Variants in RPTOR observed in about 807,000 individuals in gnomAD.
RPTOR encodes the protein regulatory-associated protein of mTOR.
RPTOR carries 21 observed loss-of-function variants against 169.9 expected under a neutral mutation model. That is an observed-to-expected ratio of 0.12 (90% CI 0.09 to 0.18). The LOEUF (loss-of-function observed/expected upper bound fraction) is 0.18, where lower values mean the gene tolerates loss of function less well. RPTOR is among the 10% of genes least tolerant of loss of function. The pLI, the probability that RPTOR is intolerant of heterozygous loss-of-function variation, is 1.00. For synonymous variants in RPTOR, 732 were observed against 753.2 expected (o/e 0.97, Z 0.46); for missense variants, 1,133 against 1,855.9 (o/e 0.61, Z 7.16).
At chr17:80,914,652 C>T (rs57656262) in intron 21 of RPTOR, among the ~76,000 whole-genome samples, 9,869 of 152,198 alleles carry the variant, frequency 0.065, 871 homozygotes, top group African/African-American at 0.2. Context: ...TGCACACGCT[C>T]GGGGCAGTGC....
intron 3 of RPTOR, among the ~76,000 whole-genome samples, chr17:80,655,501 C>T (rs2065672503): frequency 6.6e-6 from 1 of 152,108 alleles, no homozygotes. Context: ...CTCCTGGGCT[C>T]ACGCTATCCT....
chr17:80,686,835 C>A (rs1209311969), intron 3 of RPTOR, among the ~76,000 whole-genome samples: 1 of 152,138 alleles, frequency 6.6e-6, no homozygotes. Flanking sequence ...GGCTGTTGGA[C>A]CTGGGACCCT....
chr17:80,749,451 G>C, intron 5 of RPTOR, among the ~76,000 whole-genome samples: 2 of 47,806 alleles, frequency 4.2e-5, no homozygotes, highest in Non-Finnish European at 1.0e-4. Context: ...TTTAGAGGCC[G>C]TGGCGGGAGG....
At chr17:80,560,398 A>G (rs1170167294) in intron 1 of RPTOR, among the ~76,000 whole-genome samples, 7 of 152,182 alleles carry the variant, frequency 4.6e-5, no homozygotes, top group Admixed American at 4.6e-4. Context: ...GCACTGGGCT[A>G]AGTGCTGCGG....
chr17:80,651,864 G>A lies in RPTOR; in HGVS notation c.348+8054G>A, dbSNP rs2065642187. ...ACTAAAAATACAAAAAATTAGCCGG[G>A]CGCAGTGGCAGGTGCCTACTGTAGT... On this transcript the variant is annotated intron_variant, in intron 3 of 33. Coordinates refer to ENST00000306801, the MANE Select transcript of RPTOR (RefSeq NM_020761.3). The surrounding 1 kb of genome is among the most constrained non-coding windows in gnomAD (Gnocchi z 4.1). 6.6e-6 allele frequency among the ~76,000 whole-genome samples: 1 copy of A among 152,246 alleles called. No individual in the cohort carries two copies. The highest frequency in any genetic ancestry group is 6.5e-5 in the Admixed American group (1 of 15,288).
Position 80,545,779 on chromosome 17 carries a change from G to A in RPTOR, c.150G>A (p.Arg50=), listed in dbSNP as rs1021891627. Residue 50 remains arginine, a synonymous_variant, in exon 1 of 34, where the codon AGG becomes AGA. Transcript: ENST00000306801. ...CCAAATCCTTAGCTCAGAGCTGGAG[G>A]ATGAAGGATCGGGTAAGTGGATTCT... is the stretch of plus-strand genomic sequence containing the variant. ...EGSKSLAQSW[R]MKDRMKTVSV... is the part of the protein sequence containing the mutation. The A allele has an allele frequency of 3.7e-6, 6 of 1,609,600 alleles. No individual in the cohort carries two copies. The African/African-American group carries it at 6.7e-5, about 18-fold the overall frequency.
chr17:80,712,670 T>C (rs2066205028), intron 4 of RPTOR, among the ~76,000 whole-genome samples: 2 of 152,232 alleles, frequency 1.3e-5, no homozygotes, highest in South Asian at 4.1e-4. Context: ...TTCCATTCAT[T>C]TGGGTGAATA....
At chr17:80,768,901 G>A (rs973021249) in intron 6 of RPTOR, among the ~76,000 whole-genome samples, 1 of 152,154 alleles carries the variant, frequency 6.6e-6, no homozygotes, top group Non-Finnish European at 1.5e-5. Flanking sequence ...ATTCAGCTCC[G>A]TATTTAATAG....
chr17:80,680,504 G>A (rs1377386605), intron 3 of RPTOR, among the ~76,000 whole-genome samples: 1 of 152,108 alleles, frequency 6.6e-6, no homozygotes, highest in Non-Finnish European at 1.5e-5. Flanking sequence ...GCAGTGGCAG[G>A]TGCCTGTAAT....
chr17:80,672,035 T>A (rs1348351943), intron 3 of RPTOR, among the ~76,000 whole-genome samples: 6 of 152,228 alleles, frequency 3.9e-5, no homozygotes, highest in Non-Finnish European at 8.8e-5. Flanking sequence ...TAGGTTGATT[T>A]ATCTTTATTT....
intron 6 of RPTOR, among the ~76,000 whole-genome samples, chr17:80,786,076 C>G (rs1282995341): frequency 6.6e-6 from 1 of 152,174 alleles, no homozygotes; most frequent in Non-Finnish European, 1.5e-5. Flanking sequence ...ACTGTATATG[C>G]CCGGACCAAG....
intron 1 of RPTOR, among the ~76,000 whole-genome samples, chr17:80,565,573 C>A (rs111466042): frequency 4.0e-4 from 57 of 144,132 alleles, no homozygotes; most frequent in African/African-American, 1.4e-3. Flanking sequence ...GGCTGGGAGG[C>A]GGAGGGAGGC....
intron 3 of RPTOR, among the ~76,000 whole-genome samples, chr17:80,703,295 A>G (rs921870482): frequency 6.6e-6 from 1 of 152,252 alleles, no homozygotes; most frequent in African/African-American, 2.4e-5. Flanking sequence ...TCTCACCTGT[A>G]TCTGCAGCCC....
intron 3 of RPTOR, among the ~76,000 whole-genome samples, chr17:80,685,627 ATTTTTTTTTTTTTTTTTTT>A (rs1165540456): frequency 3.3e-5 from 1 of 30,700 alleles, no homozygotes; most frequent in African/African-American, 1.7e-4. Context: ...ATATATATAT[ATTTTTTTTTTTTTTTTTTT>A]TTTTTTTTTT....
At chr17:80,601,099 C>T (rs1327605698) in intron 1 of RPTOR, among the ~76,000 whole-genome samples, 1 of 152,138 alleles carries the variant, frequency 6.6e-6, no homozygotes, top group Admixed American at 6.5e-5. Context: ...AAGACCAGCC[C>T]CATCGGAGAG....
chr17:80,627,098 C>T (rs963899731), intron 2 of RPTOR, among the ~76,000 whole-genome samples: 2 of 152,208 alleles, frequency 1.3e-5, no homozygotes, highest in Non-Finnish European at 2.9e-5. Flanking sequence ...CAAAGTTCAT[C>T]CATGTCGTAG....
intron 24 of RPTOR, among the ~76,000 whole-genome samples, chr17:80,932,146 C>CATATATATATATATATATATATATATAT (rs57950527): frequency 6.9e-6 from 1 of 145,874 alleles, no homozygotes; most frequent in Non-Finnish European, 1.5e-5. Context: ...TCCAGGCATG[C>CATATATATATATATATATATATATATAT]ATATATATAT....
At chr17:80,691,498 G>A (rs1428969277) in intron 3 of RPTOR, among the ~76,000 whole-genome samples, 2 of 152,164 alleles carry the variant, frequency 1.3e-5, no homozygotes, top group Non-Finnish European at 2.9e-5. Context: ...GTGGTGTGGC[G>A]TGTGTGGCCA....
chr17:80,826,774 C>T (rs1276643034), intron 9 of RPTOR, among the ~76,000 whole-genome samples: 2 of 152,246 alleles, frequency 1.3e-5, no homozygotes, highest in Non-Finnish European at 2.9e-5. Flanking sequence ...GCCCCCGTGC[C>T]GTCACCGCTG....
Sources: gnomAD v4.1 joint callset for allele counts (sites outside exome capture counted in the v4.1 genomes callset) on GRCh38, gnomAD v4.1.1 for gene constraint, Gnocchi (gnomAD v3.1) non-coding constraint, MANE v1.5 for transcripts, NCBI Gene and HGNC (gene_info 2026-07-23, HGNC 2026-07-21) for gene names.